The following DCTN4 variants were observed in gnomAD, a reference collection of about 807,000 sequenced individuals.
DCTN4 encodes dynactin subunit 4, also known as dynactin 4 (p62).
DCTN4 carries 23 observed loss-of-function variants against 62.7 expected under a neutral mutation model. That is an observed-to-expected ratio of 0.37 (90% CI 0.26 to 0.52). The LOEUF is 0.52. Ranked by LOEUF, DCTN4 falls within the 20% of genes least tolerant of loss-of-function variation. DCTN4 has a pLI of 0.92. For synonymous variants in DCTN4, 199 were observed against 202.1 expected (o/e 0.98, Z 0.13); for missense variants, 514 against 580.4 (o/e 0.89, Z 1.18).
intron 5 of DCTN4, among the ~76,000 whole-genome samples, chr5:150,732,303 C>A (rs954487976): frequency 1.3e-5 from 2 of 152,196 alleles, no homozygotes; most frequent in Non-Finnish European, 2.9e-5. Context: ...GCGTGCGCCA[C>A]CATGCCCAGC....
Position 150,730,853 on chromosome 5 carries a change from A to C in DCTN4, c.725-113T>G, listed in dbSNP as rs77008114. On this transcript the variant is annotated intron_variant, in intron 7 of 12. Coordinates refer to ENST00000447998, the MANE Select transcript of DCTN4 (RefSeq NM_016221.4). ...GCCTTTACGAACAGTGTTGTTCATA[A>C]AAATGAAAATATAGAAAGTTGACAT... 3.6e-3 allele frequency: 3,356 copies of C among 940,332 alleles called. 62 individuals carry two copies. The African/African-American group carries it at 0.037, about 10-fold the overall frequency. 58.2% of individuals were successfully genotyped at this position (940,332 alleles called of 1,614,324 possible).
At chr5:150,742,745 CA>C in intron 3 of DCTN4, 1 of 152,688 alleles carries the variant, frequency 6.5e-6, no homozygotes, top group Non-Finnish European at 1.5e-5. Flanking sequence ...ATCCACACAT[CA>C]AAAACAAAAC....
At chr5:150,753,386 T>C in intron 3 of DCTN4, 93 bp downstream of exon 3, 1 of 1,144,388 alleles carries the variant, frequency 8.7e-7, no homozygotes, top group Non-Finnish European at 1.3e-6. Context: ...ATTTAGCTCC[T>C]ATCGCCCCAA....
intron 12 of DCTN4, among the ~76,000 whole-genome samples, chr5:150,714,103 G>T (rs1295686460): frequency 6.6e-6 from 1 of 152,160 alleles, no homozygotes; most frequent in Non-Finnish European, 1.5e-5. Flanking sequence ...GGGCGACAGA[G>T]ACTCCTTCTC....
chr5:150,751,711 A>T (rs568355116), intron 3 of DCTN4, among the ~76,000 whole-genome samples: 8 of 152,156 alleles, frequency 5.3e-5, no homozygotes, highest in Non-Finnish European at 8.8e-5. Context: ...ACCAATGAGC[A>T]TTTTTAAGGA....
rs188673325 is a variant in DCTN4, at chr5:150,729,938, C to A, written c.834+693G>T. On this transcript the variant is annotated intron_variant, in intron 8 of 12. Coordinates refer to ENST00000447998, the MANE Select transcript of DCTN4 (RefSeq NM_016221.4). ...TTGTTTGAATCCGAATCTACGTAAA[C>A]TCTATACATTGTGTTTGGTAAACTT... is the stretch of plus-strand genomic sequence containing the variant. Among the ~76,000 whole-genome samples, 15 of 152,080 alleles carry A rather than the reference C, an allele frequency of 9.9e-5. No homozygotes were observed. The East Asian group carries it at 2.1e-3, about 22-fold the overall frequency.
intron 3 of DCTN4, among the ~76,000 whole-genome samples, chr5:150,745,876 A>G (rs1422165766): frequency 6.6e-6 from 1 of 152,112 alleles, no homozygotes; most frequent in Non-Finnish European, 1.5e-5. Flanking sequence ...ATCACAATTA[A>G]AAGAACTAGA....
rs771800440 is a variant in DCTN4, at chr5:150,732,483, C to A, written c.537+885G>T. ...GGTATTTTTATATGGACTTTACCAACCCTTAGGGTTTCAATGACTTAACTA... is the reference window on the plus strand; with the variant it reads ...GGTATTTTTATATGGACTTTACCAAACCTTAGGGTTTCAATGACTTAACTA... On this transcript the variant is annotated intron_variant, in intron 5 of 12. Coordinates refer to ENST00000447998, the MANE Select transcript of DCTN4 (RefSeq NM_016221.4). Among the ~76,000 whole-genome samples, 4 of 152,280 alleles carry A rather than the reference C, an allele frequency of 2.6e-5. No individual in the cohort carries two copies. The South Asian group carries it at 6.2e-4, about 24-fold the overall frequency.
intron 11 of DCTN4, among the ~76,000 whole-genome samples, chr5:150,717,653 A>G (rs749805875): frequency 5.0e-4 from 76 of 152,212 alleles, no homozygotes; most frequent in Non-Finnish European, 8.5e-4. Flanking sequence ...AGGAAATGAT[A>G]TTTCACAAGT....
chr5:150,744,765 T>C (rs973312144), intron 3 of DCTN4, among the ~76,000 whole-genome samples: 1 of 152,082 alleles, frequency 6.6e-6, no homozygotes, highest in African/African-American at 2.4e-5. Flanking sequence ...CCACCAGGCC[T>C]GCCCTAAAAG....
At chr5:150,742,181 C>T in intron 3 of DCTN4, 24 bp from the exon 4 acceptor site, 1 of 1,609,008 alleles carries the variant, frequency 6.2e-7, no homozygotes, top group Non-Finnish European at 8.5e-7. Context: ...GAATATTAAA[C>T]AAGACTTTCA....
chr5:150,714,477 A>C (rs1486708579), intron 12 of DCTN4, among the ~76,000 whole-genome samples: 2 of 152,086 alleles, frequency 1.3e-5, no homozygotes, highest in Non-Finnish European at 2.9e-5. Flanking sequence ...ACCGGGCTCA[A>C]CTGATTCTCC....
chr5:150,731,215 C>A (rs1017319717), intron 6 of DCTN4, 59 bp from the exon 7 acceptor site: 8 of 1,179,138 alleles, frequency 6.8e-6, no homozygotes, highest in African/African-American at 1.5e-5. Flanking sequence ...CACGGATCCA[C>A]CTGATTATCC....
At chr5:150,737,167 G>A (rs1195089102) in intron 4 of DCTN4, among the ~76,000 whole-genome samples, 1 of 152,068 alleles carries the variant, frequency 6.6e-6, no homozygotes, top group Non-Finnish European at 1.5e-5. Flanking sequence ...CAAAAATAGT[G>A]GGGGACTTCA....
intron 9 of DCTN4, among the ~76,000 whole-genome samples, chr5:150,722,537 T>C (rs556399100): frequency 6.6e-6 from 1 of 152,238 alleles, no homozygotes; most frequent in Non-Finnish European, 1.5e-5. Context: ...TGAACACTGT[T>C]ACAGGGATAC....
At chr5:150,744,874 T>C (rs946910833) in intron 3 of DCTN4, among the ~76,000 whole-genome samples, 3 of 148,808 alleles carry the variant, frequency 2.0e-5, no homozygotes, top group African/African-American at 7.5e-5. Flanking sequence ...AGGAAGAAAC[T>C]GCATCAACTA....
At chr5:150,742,549 A>C (rs1460453826) in intron 3 of DCTN4, among the ~76,000 whole-genome samples, 1 of 152,212 alleles carries the variant, frequency 6.6e-6, no homozygotes. Context: ...CTGACTCCGG[A>C]GACTTTGCTC....
intron 4 of DCTN4, among the ~76,000 whole-genome samples, chr5:150,738,900 A>T (rs1760674014): frequency 6.6e-6 from 1 of 152,190 alleles, no homozygotes; most frequent in Non-Finnish European, 1.5e-5. Flanking sequence ...CTGATCAATG[A>T]ATTCAATAAA....
intron 11 of DCTN4, among the ~76,000 whole-genome samples, chr5:150,717,852 G>A (rs556859434): frequency 6.6e-6 from 1 of 152,260 alleles, no homozygotes; most frequent in African/African-American, 2.4e-5. Flanking sequence ...CTAAATTTGA[G>A]GATCTGAAGG....
Sources: allele counts gnomAD v4.1 joint callset (sites outside exome capture counted in the v4.1 genomes callset), GRCh38; gene constraint gnomAD v4.1.1; transcripts MANE v1.5; gene names NCBI Gene and HGNC (gene_info 2026-07-23, HGNC 2026-07-21).